The following TRPV4 variants were observed in gnomAD, a reference collection of about 807,000 sequenced individuals.
The protein encoded by TRPV4 is transient receptor potential cation channel subfamily V member 4, also known as OSM9-like transient receptor potential channel 4.
A neutral mutation model predicts 84.1 loss-of-function variants in TRPV4; 58 were observed. The ratio of observed to expected loss-of-function variants is 0.69; its 90% CI spans 0.56 to 0.86. The LOEUF (loss-of-function observed/expected upper bound fraction) is 0.86, where lower values mean the gene tolerates loss of function less well. TRPV4 is among the 40% of genes least tolerant of loss of function. The probability of loss-of-function intolerance (pLI) is 0.00; values close to 1 mark genes in which losing one functional copy is unlikely to be tolerated. For synonymous variants in TRPV4, 489 were observed against 500.9 expected, an observed-to-expected ratio of 0.98 and a Z score of 0.32; for missense variants, 879 against 1,181.1, an observed-to-expected ratio of 0.74 and a Z score of 3.75.
chr12:109,789,778 G>C (rs1220320547), intron 12 of TRPV4, among the ~76,000 whole-genome samples: 2 of 152,178 alleles, frequency 1.3e-5, no homozygotes, highest in Non-Finnish European at 2.9e-5. Flanking sequence ...TATAGTACCT[G>C]GTGAAACACT....
intron 1 of TRPV4, among the ~76,000 whole-genome samples, chr12:109,828,094 G>A (rs759502503): frequency 6.6e-6 from 1 of 152,208 alleles, no homozygotes; most frequent in Non-Finnish European, 1.5e-5. Flanking sequence ...GACAAGAGGG[G>A]CTGCTGTTAC....
At chr12:109,800,491 G>T in intron 5 of TRPV4, 127 bp downstream of exon 5, 1 of 1,242,110 alleles carries the variant, frequency 8.1e-7, no homozygotes, top group Non-Finnish European at 1.1e-6. Context: ...AGTGCTGCCT[G>T]CGCTCATGGC....
chr12:109,809,391 C>T (rs1891372914), intron 2 of TRPV4, among the ~76,000 whole-genome samples: 1 of 149,300 alleles, frequency 6.7e-6, no homozygotes, highest in African/African-American at 2.5e-5. Context: ...CCCATTCATC[C>T]ATCCATCACT....
At chr12:109,787,710 C>T (rs909373223) in intron 13 of TRPV4, among the ~76,000 whole-genome samples, 9 of 152,152 alleles carry the variant, frequency 5.9e-5, no homozygotes, top group Admixed American at 5.9e-4. Context: ...GGGAGGACAA[C>T]CTTGGGCCCT....
At chr12:109,829,973 G>A (rs1892367962) in intron 1 of TRPV4, among the ~76,000 whole-genome samples, 3 of 152,154 alleles carry the variant, frequency 2.0e-5, no homozygotes, top group Non-Finnish European at 1.5e-5. Flanking sequence ...GTGCTACCAC[G>A]TTCGGCTAAT....
intron 1 of TRPV4, among the ~76,000 whole-genome samples, chr12:109,826,282 C>T (rs1892249617): frequency 6.6e-6 from 1 of 152,198 alleles, no homozygotes; most frequent in Non-Finnish European, 1.5e-5. Flanking sequence ...CCTTGGCCTC[C>T]CAAAGTGTTG....
At position 109,793,641 on chromosome 12, in the gene TRPV4, C is replaced by G. The variant is rs756305668; in HGVS notation, c.1585-41G>C. The G allele has an allele frequency of 3.3e-6, 5 of 1,532,810 alleles. No individual in the cohort carries two copies. The highest frequency in any genetic ancestry group is 1.8e-6 in the Non-Finnish European group (2 of 1,106,692). 95.0% of individuals were successfully genotyped at this position (1,532,810 alleles called of 1,614,324 possible). On this transcript the variant is annotated intron_variant, in intron 9 of 15. Transcript: ENST00000261740. This position sits in a 1 kb window ranked among gnomAD's most constrained non-coding sequence, Gnocchi z 4.0. ...GGGCACGTGAAAGGGGTGGGGCCAG[C>G]AGGAGAGGAGAGGAGGAGAGAGGAG...
rs981880406 is a variant in TRPV4 at position 109,786,619 on chromosome 12, G to A, written c.2336+91C>T. The A allele has an allele frequency of 1.3e-6, 2 of 1,543,610 alleles. No individual in the cohort carries two copies. The highest frequency in any genetic ancestry group is 1.4e-5 in the African/African-American group (1 of 73,332). On this transcript the variant is annotated intron_variant, in intron 14 of 15. Coordinates refer to ENST00000261740, the MANE Select transcript of TRPV4 (RefSeq NM_021625.5). The surrounding 1 kb of genome is among the most constrained non-coding windows in gnomAD (Gnocchi z 4.5). ...TGGGGCCTCAGTGGCTCCAGAAATT[G>A]CAATGGGTAGACGACGCTGGAGCAG... is the stretch of plus-strand genomic sequence containing the variant.
chr12:109,800,700 G>A lies in TRPV4; in HGVS notation c.771C>T (p.Leu257=), dbSNP rs778796999. 18 of 1,614,044 alleles carry A rather than the reference G, an allele frequency of 1.1e-5. No individual in the cohort carries two copies. Among genetic ancestry groups the A allele is most frequent in the Middle Eastern group, 1.6e-4 (1 of 6,084 alleles). Residue 257 remains leucine, a synonymous_variant, in exon 5 of 16, where the codon CTC becomes CTT. Coordinates refer to ENST00000261740, the MANE Select transcript of TRPV4 (RefSeq NM_021625.5). ...CGTGGACATCAGCTCCCTGGGCCAC[G>A]AGAAGTTCCACGTAGTGTTTGCAGC... ...ERRCKHYVEL[L]VAQGADVHAQ... is the part of the protein sequence containing the mutation.
chr12:109,793,453 T>C lies in TRPV4; in HGVS notation c.1658+74A>G. 7.6e-7 allele frequency: 1 copy of C among 1,310,196 alleles called. No homozygotes were observed. Among genetic ancestry groups the C allele is most frequent in the Non-Finnish European group, 1.1e-6 (1 of 904,554 alleles). The allele number at this position is 1,310,196 out of a possible 1,614,324, so 81.2% of individuals were successfully genotyped here. ...ATTTCTAACAGAATCACCTCTCTCC[T>C]GAATCTGGACGACCTAGCAGCCCAA... On this transcript the variant is annotated intron_variant, in intron 10 of 15. Coordinates refer to ENST00000261740, the MANE Select transcript of TRPV4 (RefSeq NM_021625.5). The surrounding 1 kb of genome is among the most constrained non-coding windows in gnomAD (Gnocchi z 4.0).
At position 109,798,688 on chromosome 12, in the gene TRPV4, T is replaced by A. The variant is rs769680318; in HGVS notation, c.1078A>T (p.Ser360Cys). 8 of 1,613,812 alleles carry A rather than the reference T, an allele frequency of 5.0e-6. No individual in the cohort carries two copies. The South Asian group carries it at 7.7e-5, about 16-fold the overall frequency. ...LLKCARLFPDSNLEAVLNNDG... is the reference protein window; with the variant it reads ...LLKCARLFPDCNLEAVLNNDG... ...TTGTTGAGCACGGCCTCCAGGTTGC[T>A]GTCGGGGAAGAGGCGGGCACACTTG... The change falls in exon 6 of 16, where the codon AGC (serine) becomes TGC (cysteine). Residue 360 changes from serine to cysteine, a missense_variant. This residue lies in a region of TRPV4 where 521 missense variants were observed against 686.6 expected (regional missense o/e 0.76). Transcript: ENST00000261740. The surrounding 1 kb of genome is among the most constrained non-coding windows in gnomAD (Gnocchi z 5.0).
intron 14 of TRPV4, 131 bp from the exon 15 acceptor site, chr12:109,784,568 G>A: frequency 7.2e-7 from 1 of 1,394,548 alleles, no homozygotes; most frequent in Non-Finnish European, 9.9e-7. Context: ...GGTGGCTCAT[G>A]CCTGCAATCC....
At position 109,796,697 on chromosome 12, in the gene TRPV4, T is replaced by G; in HGVS notation, c.1160A>C (p.Gln387Pro). ...AAKTGKIGIFQHIIRREVTDE... is the reference protein window; with the variant it reads ...AAKTGKIGIFPHIIRREVTDE... ...CGTCACCTCCCGCCGGATGATGTGC[T>G]GAAAGATCTGCACAGGGGGCCAGGA... Residue 387 changes from glutamine to proline, a missense_variant, in exon 7 of 16, where the codon CAG (glutamine) becomes CCG (proline). Physicochemically the swap from Gln to Pro is moderately conservative, Grantham distance 76. Transcript: ENST00000261740. The surrounding 1 kb of genome is among the most constrained non-coding windows in gnomAD (Gnocchi z 4.2). The G allele has an allele frequency of 6.2e-7, 1 of 1,612,242 alleles. No individual in the cohort carries two copies. Among genetic ancestry groups the G allele is most frequent in the Non-Finnish European group, 8.5e-7 (1 of 1,178,660 alleles).
At chr12:109,797,653 C>T (rs1388459887) in intron 6 of TRPV4, among the ~76,000 whole-genome samples, 3 of 152,200 alleles carry the variant, frequency 2.0e-5, no homozygotes, top group African/African-American at 7.2e-5. Flanking sequence ...TTTCTACTGC[C>T]TCAGGGCCAT....
At chr12:109,785,683 T>A (rs965633485) in intron 14 of TRPV4, among the ~76,000 whole-genome samples, 3 of 151,158 alleles carry the variant, frequency 2.0e-5, no homozygotes, top group Non-Finnish European at 4.4e-5. Context: ...CCTCCCAAAG[T>A]GCTGGGATTA....
At chr12:109,791,571 C>G (rs1015692903) in intron 12 of TRPV4, among the ~76,000 whole-genome samples, 1 of 149,858 alleles carries the variant, frequency 6.7e-6, no homozygotes, top group Non-Finnish European at 1.5e-5. Flanking sequence ...CAACCTCCAC[C>G]CCCTGGGTTC....
chr12:109,820,514 C>CTTTTTTTT (rs1186445597), intron 1 of TRPV4, among the ~76,000 whole-genome samples: 3,895 of 122,394 alleles, frequency 0.032, 475 homozygotes, highest in East Asian at 0.12. Flanking sequence ...TTCAGCTGCC[C>CTTTTTTTT]TATTTTTTTT....
chr12:109,820,168 G>T (rs1255855029), intron 1 of TRPV4, among the ~76,000 whole-genome samples: 1 of 152,146 alleles, frequency 6.6e-6, no homozygotes. Flanking sequence ...TTCTGGTGGG[G>T]AAACAATAAA....
intron 2 of TRPV4, among the ~76,000 whole-genome samples, chr12:109,809,531 TACTCATCCATCCATCCACCC>T (rs1221579472): frequency 7.4e-6 from 1 of 134,746 alleles, no homozygotes; most frequent in African/African-American, 2.8e-5. Flanking sequence ...ATCCATCCAC[TACTCATCCATCCATCCACCC>T]ACTCATCCAT....
Sources: gnomAD v4.1 joint callset for allele counts (sites outside exome capture counted in the v4.1 genomes callset) on GRCh38, gnomAD v4.1.1 for gene constraint, gnomAD v4.1.1 regional missense constraint, Gnocchi (gnomAD v3.1) non-coding constraint, MANE v1.5 for transcripts, NCBI Gene and HGNC (gene_info 2026-07-23, HGNC 2026-07-21) for gene names.